The following COPG2 variants were observed in gnomAD, a reference collection of about 807,000 sequenced individuals.
COPG2 encodes the protein coatomer subunit gamma-2.
In COPG2, 37 loss-of-function variants were observed where a neutral mutation model predicts 46.3. That is an observed-to-expected ratio of 0.80 (90% CI 0.61 to 1.05). COPG2 has a LOEUF of 1.05. Ranked by LOEUF, COPG2 falls within the 50% of genes least tolerant of loss-of-function variation. The pLI, the probability that COPG2 is intolerant of heterozygous loss-of-function variation, is 0.00. For synonymous variants in COPG2, 159 were observed against 129.7 expected (o/e 1.23, Z -1.53); for missense variants, 427 against 387.8 (o/e 1.10, Z -0.85).
Position 130,507,341 on chromosome 7 carries a change from G to A in COPG2, c.2418C>T (p.Gly806=), listed in dbSNP as rs1190442552. 2 of 780,712 alleles carry A rather than the reference G, an allele frequency of 2.6e-6. No homozygotes were observed. Among genetic ancestry groups the A allele is most frequent in the Non-Finnish European group, 4.8e-6 (2 of 417,874 alleles). 48.4% of individuals were successfully genotyped at this position (780,712 alleles called of 1,614,324 possible). Residue 806 remains glycine, a synonymous_variant, in exon 23 of 24, where the codon GGC becomes GGT. Transcript: ENST00000425248. ...TATCGGACCTCTCACATGGCTGCAT[G>A]CCCAGAAATGTGATGATATTGTTGA... The part of the protein sequence containing the change: ...EAVNNIITFL[G]MQPCERSDKV...
chr7:130,541,680 G>T (rs1799939326), intron 20 of COPG2, among the ~76,000 whole-genome samples: 2 of 151,712 alleles, frequency 1.3e-5, no homozygotes, highest in Admixed American at 6.6e-5. Flanking sequence ...AGGTTTAGGG[G>T]AGTCAGGGTT....
chr7:130,545,550 G>C (rs1431861325), intron 20 of COPG2, among the ~76,000 whole-genome samples: 1 of 152,132 alleles, frequency 6.6e-6, no homozygotes, highest in African/African-American at 2.4e-5. Context: ...CCATTGCACA[G>C]CATAGACTTT....
chr7:130,559,138 T>C (rs1793677514), intron 12 of COPG2, among the ~76,000 whole-genome samples: 1 of 152,002 alleles, frequency 6.6e-6, no homozygotes, highest in African/African-American at 2.4e-5. Context: ...GGAGAAGATA[T>C]TCATAACATC....
Position 130,666,895 on chromosome 7 carries a change from C to A in COPG2, c.125G>T (p.Arg42Ile). The A allele has an allele frequency of 6.4e-7, 1 of 1,567,452 alleles. No individual in the cohort carries two copies. The highest frequency in any genetic ancestry group is 8.7e-7 in the Non-Finnish European group (1 of 1,148,138). ...RIFNETPINP[R>I]RCLHILTKIL... Reference sequence around the variant, plus strand: ...CTTTGTAAGAATATGCAAACATCTTCTTGGATTGATTGGAGTTTCATTGAA... The same window carrying A: ...CTTTGTAAGAATATGCAAACATCTTATTGGATTGATTGGAGTTTCATTGAA... Residue 42 changes from arginine to isoleucine, a missense_variant, in exon 3 of 24, where the codon AGA becomes ATA. By Grantham distance (97) the Arg-to-Ile change is moderately conservative. Coordinates refer to ENST00000425248, the MANE Select transcript of COPG2 (RefSeq NM_012133.6).
intron 9 of COPG2, among the ~76,000 whole-genome samples, chr7:130,608,989 AC>A (rs1216175076): frequency 6.6e-6 from 1 of 151,716 alleles, no homozygotes; most frequent in African/African-American, 2.4e-5. Flanking sequence ...CGATCCTCCC[AC>A]CTCAGCCTCC....
chr7:130,569,786 AACACAG>A (rs1206826240), intron 9 of COPG2, among the ~76,000 whole-genome samples: 172 of 152,328 alleles, frequency 1.1e-3, no homozygotes, highest in Middle Eastern at 0.01. Flanking sequence ...ATCCCTGATG[AACACAG>A]ACACAGAAAT....
At chr7:130,554,836 T>C in intron 13 of COPG2, 112 bp from the exon 14 acceptor site, 1 of 397,872 alleles carries the variant, frequency 2.5e-6, no homozygotes, top group East Asian at 3.6e-5. Flanking sequence ...CCACCTTTTA[T>C]GAAAGAAGCA....
Position 130,666,226 on chromosome 7 carries a change from T to C in COPG2, c.171+623A>G, listed in dbSNP as rs1796076781. 3.3e-5 allele frequency among the ~76,000 whole-genome samples: 5 copies of C among 152,264 alleles called. No individual in the cohort carries two copies. In the South Asian group the frequency reaches 8.3e-4, roughly 25 times the overall value. On this transcript the variant is annotated intron_variant, in intron 3 of 23. Transcript: ENST00000425248. Reference sequence around the variant, plus strand: ...AAATATAAAATCTGAATATTAACAATCAAAGCTTTAAAACATCATTACACA... The same window carrying C: ...AAATATAAAATCTGAATATTAACAACCAAAGCTTTAAAACATCATTACACA...
chr7:130,538,503 C>CCATAGGCCAA (rs1799906172), intron 20 of COPG2, among the ~76,000 whole-genome samples: 1 of 151,986 alleles, frequency 6.6e-6, no homozygotes, highest in African/African-American at 2.4e-5. Flanking sequence ...TCAAGGCCAA[C>CCATAGGCCAA]CCATAGGATT....
At chr7:130,642,561 G>A (rs1795513737) in intron 5 of COPG2, among the ~76,000 whole-genome samples, 1 of 152,136 alleles carries the variant, frequency 6.6e-6, no homozygotes, top group South Asian at 2.1e-4. Flanking sequence ...TATCCATGTT[G>A]TTGCCTGAAT....
chr7:130,641,365 A>C (rs782538880), intron 5 of COPG2, among the ~76,000 whole-genome samples: 12 of 152,130 alleles, frequency 7.9e-5, no homozygotes, highest in Non-Finnish European at 1.3e-4. Flanking sequence ...TGAGTTTGGG[A>C]AAGAACTACA....
At chr7:130,561,988 TTAAC>T (rs1180230346) in intron 11 of COPG2, among the ~76,000 whole-genome samples, 1 of 152,134 alleles carries the variant, frequency 6.6e-6, no homozygotes, top group Non-Finnish European at 1.5e-5. Context: ...TTTCTAAAAT[TTAAC>T]TAAAAGCAAA....
rs1554440701 is a variant in COPG2, at chr7:130,509,323, T to C, written c.2150-664A>G. ...AGAAATGGAGGTGGGGGTACATTTT[T>C]GGAAAGTGAAGTCTTTATAAAAAGT... On this transcript the variant is annotated intron_variant, in intron 20 of 23. Coordinates refer to ENST00000425248, the MANE Select transcript of COPG2 (RefSeq NM_012133.6). The C allele has an allele frequency of 2.4e-5, 12 of 507,566 alleles. 1 individual carries two copies. The highest frequency in any genetic ancestry group is 1.7e-4 in the South Asian group (12 of 68,720). The allele number at this position is 507,566 out of a possible 1,614,324, so 31.4% of individuals were successfully genotyped here. A position where few individuals can be genotyped will look rare whatever the true frequency, so the allele number is the denominator to read the frequency against.
chr7:130,508,067 C>A, intron 21 of COPG2: 1 of 421,848 alleles, frequency 2.4e-6, no homozygotes, highest in Non-Finnish European at 4.2e-6. Context: ...CATGTTGCAC[C>A]CACACTTGAC....
At chr7:130,548,355 A>G (rs946475621) in intron 19 of COPG2, 48 bp downstream of exon 19, 39,954 of 398,214 alleles carry the variant, frequency 0.1, 3,952 homozygotes, top group African/African-American at 0.35. Context: ...GTCTCAAAGC[A>G]TACCAGTTTA....
intron 4 of COPG2, among the ~76,000 whole-genome samples, chr7:130,653,235 G>C (rs1795783631): frequency 6.6e-6 from 1 of 152,142 alleles, no homozygotes. Flanking sequence ...TGAGTCCAAA[G>C]ACAAAGGTTT....
chr7:130,513,359 G>GTTTA (rs1282542780), intron 20 of COPG2, among the ~76,000 whole-genome samples: 1 of 36,680 alleles, frequency 2.7e-5, no homozygotes, highest in Non-Finnish European at 6.7e-5. Context: ...GTGTGTGTGT[G>GTTTA]TATATATATA....
intron 1 of COPG2, among the ~76,000 whole-genome samples, chr7:130,667,767 C>T (rs1338614128): frequency 6.6e-6 from 1 of 152,216 alleles, no homozygotes; most frequent in Non-Finnish European, 1.5e-5. Flanking sequence ...AAATGAGTGT[C>T]TTCTTTCCCT....
intron 4 of COPG2, among the ~76,000 whole-genome samples, chr7:130,657,325 T>C (rs1369544241): frequency 6.6e-6 from 1 of 151,920 alleles, no homozygotes; most frequent in East Asian, 1.9e-4. Flanking sequence ...AGGCAGTGGA[T>C]GGAGGAAGAG....
Sources: allele counts gnomAD v4.1 joint callset (sites outside exome capture counted in the v4.1 genomes callset), GRCh38; gene constraint gnomAD v4.1.1; transcripts MANE v1.5; gene names NCBI Gene and HGNC (gene_info 2026-07-23, HGNC 2026-07-21).